Variants in SLIT1 observed in about 807,000 individuals in gnomAD.
SLIT1 encodes slit homolog 1 protein.
Under a neutral mutation model 186.1 loss-of-function variants are expected in SLIT1, and 66 were observed. The observed-to-expected ratio is 0.35, with a 90% CI of 0.29 to 0.44. SLIT1 has a LOEUF of 0.44. SLIT1 is among the 20% of genes least tolerant of loss of function. The pLI, the probability that SLIT1 is intolerant of heterozygous loss-of-function variation, is 1.00. For missense variants in SLIT1, 1,638 were observed against 2,037.4 expected (o/e 0.80, Z 3.77); for synonymous variants, 761 against 833.8 (o/e 0.91, Z 1.50).
intron 23 of SLIT1, 152 bp downstream of exon 23, chr10:97,034,319 A>G (rs1237486230): frequency 3.0e-6 from 2 of 661,304 alleles, no homozygotes; most frequent in East Asian, 5.1e-5. Context: ...ATGTTTTTTC[A>G]AAGTCTTTTA....
chr10:97,109,975 G>C (rs1218104537), intron 4 of SLIT1, among the ~76,000 whole-genome samples: 1 of 152,160 alleles, frequency 6.6e-6, no homozygotes, highest in Non-Finnish European at 1.5e-5. Flanking sequence ...CAGTAGTTAG[G>C]ACAGACCCTT....
chr10:97,060,869 T>G, intron 8 of SLIT1, 82 bp from the exon 9 acceptor site: 2 of 1,419,404 alleles, frequency 1.4e-6, no homozygotes, highest in East Asian at 2.5e-5. Flanking sequence ...ATGGATGGGA[T>G]AGGGTGTACA....
intron 18 of SLIT1, among the ~76,000 whole-genome samples, chr10:97,045,201 T>C (rs1003447253): frequency 2.6e-5 from 4 of 151,722 alleles, no homozygotes; most frequent in East Asian, 3.9e-4. Flanking sequence ...CAATACAACA[T>C]TGCTTATAAA....
intron 30 of SLIT1, among the ~76,000 whole-genome samples, chr10:97,011,423 G>A (rs1388749657): frequency 6.6e-6 from 1 of 152,038 alleles, no homozygotes. Context: ...TGTCATGGAG[G>A]ACCCACCTTC....
chr10:97,029,617 T>C (rs1589367590), intron 25 of SLIT1, among the ~76,000 whole-genome samples: 1 of 152,374 alleles, frequency 6.6e-6, no homozygotes, highest in Non-Finnish European at 1.5e-5. Flanking sequence ...GTCTGTTTTT[T>C]ATATGGCAAA....
chr10:97,059,667 C>T (rs1473392310), intron 10 of SLIT1, 136 bp from the exon 11 acceptor site: 1 of 709,604 alleles, frequency 1.4e-6, no homozygotes, highest in African/African-American at 1.7e-5. Flanking sequence ...GAGGCCAGAT[C>T]TCTCCTCCAT....
At chr10:97,058,936 C>A (rs1168197698) in intron 11 of SLIT1, among the ~76,000 whole-genome samples, 2 of 152,164 alleles carry the variant, frequency 1.3e-5, no homozygotes, top group Non-Finnish European at 2.9e-5. Context: ...CCCAGTAGAT[C>A]CTGAAGGAAG....
At chr10:97,093,991 C>A (rs73322727) in intron 4 of SLIT1, among the ~76,000 whole-genome samples, 1 of 152,170 alleles carries the variant, frequency 6.6e-6, no homozygotes, top group Non-Finnish European at 1.5e-5. Flanking sequence ...TGAGTGAGTG[C>A]TAAAGAAACT....
At chr10:97,058,058 G>C (rs1456283623) in intron 11 of SLIT1, 2 of 717,528 alleles carry the variant, frequency 2.8e-6, no homozygotes, top group Non-Finnish European at 5.2e-6. Context: ...CCTGCAGTGG[G>C]AGCTGTGTGT....
chr10:97,035,932 G>A (rs1411849555), intron 22 of SLIT1, among the ~76,000 whole-genome samples: 1 of 152,114 alleles, frequency 6.6e-6, no homozygotes, highest in Non-Finnish European at 1.5e-5. Context: ...CCGCCTCCCT[G>A]AGTTGATCAC....
At chr10:97,058,103 T>G in intron 11 of SLIT1, 1 of 716,392 alleles carries the variant, frequency 1.4e-6, no homozygotes, top group Non-Finnish European at 2.6e-6. Flanking sequence ...GGGGCCAGTG[T>G]GGCTGGAATG....
At chr10:97,127,614 C>T (rs2134692262) in intron 4 of SLIT1, among the ~76,000 whole-genome samples, 1 of 152,332 alleles carries the variant, frequency 6.6e-6, no homozygotes, top group East Asian at 1.9e-4. Flanking sequence ...GCCTCCAAGA[C>T]CTCACCTCTA....
In SLIT1 at chr10:97,043,377, A is replaced by G. The variant is rs781391619; in HGVS notation, c.1990T>C (p.Ser664Pro). 6.2e-7 allele frequency: 1 copy of G among 1,613,422 alleles called. No homozygotes were observed. Among genetic ancestry groups the G allele is most frequent in the East Asian group, 2.2e-5 (1 of 44,868 alleles). Residue 664 changes from serine (S) to proline (P), a missense_variant, in exon 19 of 37, where the codon TCC becomes CCC. Transcript: ENST00000266058. The surrounding 1 kb of genome is among the most constrained non-coding windows in gnomAD (Gnocchi z 7.0). ...PGAFDTLQSL[S>P]TLNLLANPFN... is the part of the protein sequence containing the mutation. Reference sequence around the variant, plus strand: ...CCTGGAGGCCGGACTCACAGTGTGGAGAGGGACTGGAGGGTGTCGAAGGCT... The same window carrying G: ...CCTGGAGGCCGGACTCACAGTGTGGGGAGGGACTGGAGGGTGTCGAAGGCT...
At chr10:97,127,985 G>C (rs1849619148) in intron 4 of SLIT1, among the ~76,000 whole-genome samples, 1 of 152,144 alleles carries the variant, frequency 6.6e-6, no homozygotes. Flanking sequence ...CAGCCACTCA[G>C]AACAGACCCA....
chr10:97,001,775 A>G lies in SLIT1; in HGVS notation c.4366+383T>C, dbSNP rs139351363. On this transcript the variant is annotated intron_variant, in intron 36 of 36. Coordinates refer to ENST00000266058, the MANE Select transcript of SLIT1 (RefSeq NM_003061.3). Reference sequence around the variant, plus strand: ...AGCAGTCCGGATTCCAGCAGAAGCCATCTTGGTCAAGCAGGCCAGGGAGGG... The same window carrying G: ...AGCAGTCCGGATTCCAGCAGAAGCCGTCTTGGTCAAGCAGGCCAGGGAGGG... Among the ~76,000 whole-genome samples, 979 of 152,214 alleles carry G rather than the reference A, an allele frequency of 6.4e-3. 14 individuals carry two copies. The highest frequency in any genetic ancestry group is 0.022 in the African/African-American group (933 of 41,546).
chr10:97,138,447 T>C (rs1425989505), intron 4 of SLIT1, among the ~76,000 whole-genome samples: 1 of 152,230 alleles, frequency 6.6e-6, no homozygotes, highest in African/African-American at 2.4e-5. Flanking sequence ...GTGGTCAATG[T>C]TCAAATGACC....
chr10:97,003,101 CT>C, intron 34 of SLIT1, 109 bp from the exon 35 acceptor site: 1 of 1,074,560 alleles, frequency 9.3e-7, no homozygotes, highest in Non-Finnish European at 1.4e-6. Context: ...CCTGCGGCCT[CT>C]GTCCTTCATC....
chr10:97,134,351 C>T (rs909416678), intron 4 of SLIT1, among the ~76,000 whole-genome samples: 1 of 152,204 alleles, frequency 6.6e-6, no homozygotes, highest in African/African-American at 2.4e-5. Flanking sequence ...TACCCAGGCC[C>T]CAGTCTCCCG....
chr10:97,163,055 T>C (rs1850051209), intron 3 of SLIT1, among the ~76,000 whole-genome samples: 1 of 152,236 alleles, frequency 6.6e-6, no homozygotes, highest in South Asian at 2.1e-4. Context: ...GGACAGCGGT[T>C]ATGTCAGGAT....
Sources: gnomAD v4.1 joint callset for allele counts (sites outside exome capture counted in the v4.1 genomes callset) on GRCh38, gnomAD v4.1.1 for gene constraint, Gnocchi (gnomAD v3.1) non-coding constraint, MANE v1.5 for transcripts, NCBI Gene and HGNC (gene_info 2026-07-23, HGNC 2026-07-21) for gene names.